NECAB1: variants seen among roughly 807,000 people sequenced by gnomAD.
NECAB1 encodes N-terminal EF-hand calcium-binding protein 1.
A neutral mutation model predicts 57.5 loss-of-function variants in NECAB1; 29 were observed. The ratio of observed to expected loss-of-function variants is 0.50; its 90% confidence interval spans 0.38 to 0.69. The LOEUF (loss-of-function observed/expected upper bound fraction) is 0.69. NECAB1 is among the 30% of genes least tolerant of loss of function. The pLI, the probability that NECAB1 is intolerant of heterozygous loss-of-function variation, is 0.00. For missense variants in NECAB1, 372 were observed against 413.8 expected (o/e 0.90, Z 0.88); for synonymous variants, 142 against 147.7 (o/e 0.96, Z 0.28).
chr8:90,958,817 T>G lies in NECAB1; in HGVS notation c.*3305T>G. ...TACTTCCCAATTTATGCAGGAAACC[T>G]CCTGCAAAGCTGAAACTGATTAGAA... On this transcript the variant is annotated 3_prime_UTR_variant, in exon 13 of 13. Coordinates refer to ENST00000417640, the MANE Select transcript of NECAB1 (RefSeq NM_022351.5). 2.3e-6 allele frequency: 1 copy of G among 441,198 alleles called. No individual in the cohort carries two copies. The highest frequency in any genetic ancestry group is 4.0e-6 in the Non-Finnish European group (1 of 251,130). The allele number at this position is 441,198 out of a possible 1,614,324, so 27.3% of individuals were successfully genotyped here.
chr8:90,945,495 C>T (rs1469948900), intron 10 of NECAB1, among the ~76,000 whole-genome samples: 1 of 152,208 alleles, frequency 6.6e-6, no homozygotes, highest in African/African-American at 2.4e-5. Flanking sequence ...CCACCGTGCC[C>T]AGCCTCATTA....
chr8:90,942,944 A>G (rs1472967176), intron 10 of NECAB1, among the ~76,000 whole-genome samples: 1 of 152,180 alleles, frequency 6.6e-6, no homozygotes, highest in African/African-American at 2.4e-5. Context: ...AACTTCCCAA[A>G]ATAGAGCTCA....
chr8:90,814,050 A>T (rs1349414497), intron 2 of NECAB1, among the ~76,000 whole-genome samples: 1 of 152,216 alleles, frequency 6.6e-6, no homozygotes, highest in African/African-American at 2.4e-5. Flanking sequence ...CACATCAAAG[A>T]TACTGAGACT....
intron 2 of NECAB1, among the ~76,000 whole-genome samples, chr8:90,812,462 A>G (rs896171117): frequency 6.6e-6 from 1 of 152,316 alleles, no homozygotes; most frequent in African/African-American, 2.4e-5. Context: ...TTAGGAGCAC[A>G]TTCTTTCTAG....
intron 3 of NECAB1, among the ~76,000 whole-genome samples, chr8:90,839,050 A>G (rs1308158596): frequency 6.6e-6 from 1 of 152,250 alleles, no homozygotes; most frequent in Non-Finnish European, 1.5e-5. Flanking sequence ...GGGATGATTG[A>G]TACATTTTAT....
At chr8:90,945,088 G>T (rs967701089) in intron 10 of NECAB1, among the ~76,000 whole-genome samples, 3 of 152,050 alleles carry the variant, frequency 2.0e-5, no homozygotes, top group Admixed American at 2.0e-4. Context: ...TTTTGAGATG[G>T]AGTCTCGCTC....
At chr8:90,919,240 G>A (rs1461155311) in intron 6 of NECAB1, among the ~76,000 whole-genome samples, 1 of 152,068 alleles carries the variant, frequency 6.6e-6, no homozygotes, top group African/African-American at 2.4e-5. Flanking sequence ...CAAAACTCTT[G>A]CTCCTGGGGC....
At chr8:90,909,013 T>C (rs1809761417) in intron 5 of NECAB1, among the ~76,000 whole-genome samples, 2 of 152,120 alleles carry the variant, frequency 1.3e-5, no homozygotes, top group South Asian at 2.1e-4. Context: ...GAGGTGCTTA[T>C]GCTCATGGTT....
At chr8:90,825,395 T>C (rs1171400608) in intron 3 of NECAB1, among the ~76,000 whole-genome samples, 1 of 151,728 alleles carries the variant, frequency 6.6e-6, no homozygotes, top group Non-Finnish European at 1.5e-5. Context: ...TCTATTTATA[T>C]TCTCACTATG....
intron 5 of NECAB1, among the ~76,000 whole-genome samples, chr8:90,913,467 T>A (rs1809877312): frequency 6.6e-6 from 1 of 151,992 alleles, no homozygotes; most frequent in African/African-American, 2.4e-5. Flanking sequence ...TTAAACTGCG[T>A]TTGAAAAAAA....
At chr8:90,822,348 G>C (rs1308101314) in intron 2 of NECAB1, among the ~76,000 whole-genome samples, 2 of 151,634 alleles carry the variant, frequency 1.3e-5, no homozygotes, top group South Asian at 2.1e-4. Flanking sequence ...TAACATTAAG[G>C]CTCTAGTCTA....
At chr8:90,837,651 G>A (rs1812390340) in intron 3 of NECAB1, among the ~76,000 whole-genome samples, 1 of 152,138 alleles carries the variant, frequency 6.6e-6, no homozygotes, top group African/African-American at 2.4e-5. Flanking sequence ...ATCAAATAGG[G>A]ACAATTACAA....
intron 5 of NECAB1, among the ~76,000 whole-genome samples, chr8:90,882,805 G>GT (rs1464551551): frequency 1.3e-5 from 2 of 151,906 alleles, no homozygotes; most frequent in South Asian, 2.1e-4. Context: ...GTTTTTTTAG[G>GT]TTTTTTTGTT....
At chr8:90,801,009 T>G (rs1268917576) in intron 1 of NECAB1, among the ~76,000 whole-genome samples, 1 of 152,174 alleles carries the variant, frequency 6.6e-6, no homozygotes, top group East Asian at 1.9e-4. Flanking sequence ...GATAATATGA[T>G]TAATAAAGTA....
chr8:90,937,874 G>A (rs1330156310), intron 9 of NECAB1, among the ~76,000 whole-genome samples: 2 of 152,010 alleles, frequency 1.3e-5, no homozygotes, highest in Admixed American at 6.6e-5. Context: ...ATTCCATTCT[G>A]CCATACATTC....
intron 5 of NECAB1, among the ~76,000 whole-genome samples, chr8:90,906,555 CTT>C (rs1349246817): frequency 6.6e-6 from 1 of 152,054 alleles, no homozygotes; most frequent in African/African-American, 2.4e-5. Context: ...CTGTCAGTCT[CTT>C]TGTCTCCTGT....
At chr8:90,924,570 G>A (rs946667965) in intron 6 of NECAB1, among the ~76,000 whole-genome samples, 2 of 152,144 alleles carry the variant, frequency 1.3e-5, no homozygotes, top group African/African-American at 4.8e-5. Flanking sequence ...TAAGTATTAT[G>A]TCCTTACAGA....
intron 5 of NECAB1, among the ~76,000 whole-genome samples, chr8:90,888,361 C>T (rs1187254381): frequency 6.6e-6 from 1 of 152,168 alleles, no homozygotes; most frequent in Admixed American, 6.5e-5. Flanking sequence ...AAGAACTGAA[C>T]TTTGAAATTC....
At chr8:90,906,891 A>ATATATATATATATATGTATATATATG (rs71266150) in intron 5 of NECAB1, among the ~76,000 whole-genome samples, 6 of 113,414 alleles carry the variant, frequency 5.3e-5, no homozygotes, top group African/African-American at 2.4e-4. Context: ...ATATATATAT[A>ATATATATATATATATGTATATATATG]TATATATATA....
Sources: gnomAD v4.1 joint callset for allele counts (sites outside exome capture counted in the v4.1 genomes callset) on GRCh38, gnomAD v4.1.1 for gene constraint, MANE v1.5 for transcripts, NCBI Gene and HGNC (gene_info 2026-07-23, HGNC 2026-07-21) for gene names.